TOMM20: variants seen among roughly 807,000 people sequenced by gnomAD.
TOMM20 encodes translocase of outer mitochondrial membrane 20, also known as mitochondrial import receptor subunit TOM20 homolog.
Under a neutral mutation model 22.1 loss-of-function variants are expected in TOMM20, and 10 were observed. That is an observed-to-expected ratio of 0.45 (90% confidence interval 0.28 to 0.77). TOMM20 has a LOEUF of 0.77. Among genes scored for constraint, TOMM20 ranks in the 30% least tolerant of loss-of-function variants. TOMM20 has a pLI of 0.13. For missense variants in TOMM20, 121 were observed against 172.2 expected (o/e 0.70, Z 1.66); for synonymous variants, 55 against 61.4 (o/e 0.90, Z 0.49).
At chr1:235,123,081 A>G (rs1479437224) in intron 1 of TOMM20, among the ~76,000 whole-genome samples, 2 of 152,246 alleles carry the variant, frequency 1.3e-5, no homozygotes, top group Non-Finnish European at 2.9e-5. Flanking sequence ...TCACTCTCCC[A>G]AGATAAGGTC....
At chr1:235,128,380 G>C (rs1661069638) in intron 1 of TOMM20, among the ~76,000 whole-genome samples, 1 of 152,194 alleles carries the variant, frequency 6.6e-6, no homozygotes, top group Non-Finnish European at 1.5e-5. Flanking sequence ...AAAGTGTCTG[G>C]GGAAAACAAA....
intron 2 of TOMM20, among the ~76,000 whole-genome samples, chr1:235,120,808 A>C (rs1020199660): frequency 2.1e-5 from 3 of 141,890 alleles, no homozygotes; most frequent in Non-Finnish European, 4.5e-5. Flanking sequence ...TCGAGGCTGC[A>C]GTGAGCTGTG....
In TOMM20 at chr1:235,116,635, C is replaced by T. The variant is rs370324654; in HGVS notation, c.251-2725G>A. Among the ~76,000 whole-genome samples the T allele has an allele frequency of 9.2e-5, 14 of 152,022 alleles. No individual in the cohort carries two copies. In the East Asian group the frequency reaches 1.2e-3, roughly 13 times the overall value. On this transcript the variant is annotated intron_variant, in intron 3 of 4. Transcript: ENST00000366607. ...AATTGCTTGAACCCTCGCTTGAACC[C>T]GGGAGGTGGAAGTTGCAGTGAGCTG...
Position 235,128,794 on chromosome 1 carries a change from G to A in TOMM20, c.-79C>T, listed in dbSNP as rs913222229. On this transcript the variant is annotated 5_prime_UTR_variant, in exon 1 of 5. Coordinates refer to ENST00000366607, the MANE Select transcript of TOMM20 (RefSeq NM_014765.3). ...TGGGCCACGAACCCTCAGAGCGGTC[G>A]GCGCAGCTCACACCCGACGGCCGCG... is the stretch of plus-strand genomic sequence containing the variant. 1.9e-6 allele frequency: 3 copies of A among 1,593,500 alleles called. No individual in the cohort carries two copies. Among genetic ancestry groups the A allele is most frequent in the East Asian group, 2.2e-5 (1 of 44,564 alleles).
At chr1:235,124,413 C>G (rs1201768773) in intron 1 of TOMM20, among the ~76,000 whole-genome samples, 1 of 152,150 alleles carries the variant, frequency 6.6e-6, no homozygotes, top group Non-Finnish European at 1.5e-5. Flanking sequence ...GAAAATGTAC[C>G]AAGGTCACAA....
chr1:235,120,555 G>A (rs929697216), intron 2 of TOMM20, among the ~76,000 whole-genome samples: 1 of 151,042 alleles, frequency 6.6e-6, no homozygotes, highest in Non-Finnish European at 1.5e-5. Flanking sequence ...ATGAGCCACC[G>A]CACCCAGCCT....
chr1:235,112,586 T>C (rs1660756212), intron 4 of TOMM20, among the ~76,000 whole-genome samples: 1 of 151,908 alleles, frequency 6.6e-6, no homozygotes, highest in Non-Finnish European at 1.5e-5. Context: ...CTCAAATGAG[T>C]GCTAGGATTA....
At chr1:235,122,868 T>C (rs1440622308) in intron 1 of TOMM20, among the ~76,000 whole-genome samples, 1 of 152,202 alleles carries the variant, frequency 6.6e-6, no homozygotes, top group Non-Finnish European at 1.5e-5. Context: ...TTAAAGGTAC[T>C]TGAGCATCAT....
chr1:235,127,968 G>C (rs142472109), intron 1 of TOMM20: 23 of 512,600 alleles, frequency 4.5e-5, no homozygotes, highest in African/African-American at 4.1e-4. Flanking sequence ...CTGAGGTCAG[G>C]AGTTCGAGAC....
intron 2 of TOMM20, among the ~76,000 whole-genome samples, chr1:235,121,428 G>A (rs1252082778): frequency 2.0e-5 from 3 of 152,090 alleles, no homozygotes; most frequent in Non-Finnish European, 4.4e-5. Flanking sequence ...TATGCCCTTA[G>A]AAATATAAGT....
intron 1 of TOMM20, among the ~76,000 whole-genome samples, chr1:235,123,937 C>T (rs1225763118): frequency 6.6e-6 from 1 of 152,210 alleles, no homozygotes; most frequent in African/African-American, 2.4e-5. Flanking sequence ...TGGAAGACTT[C>T]AAAGGATCTG....
chr1:235,120,034 C>A, intron 2 of TOMM20, 135 bp from the exon 3 acceptor site: 1 of 532,676 alleles, frequency 1.9e-6, no homozygotes, highest in Middle Eastern at 2.9e-4. Context: ...GAACTTTACT[C>A]CTGAATACTT....
intron 3 of TOMM20, 59 bp downstream of exon 3, chr1:235,119,759 T>C (rs943461556): frequency 4.2e-6 from 5 of 1,187,658 alleles, no homozygotes; most frequent in African/African-American, 1.5e-5. Context: ...CTTATCATTA[T>C]AAATTTCTAT....
chr1:235,125,416 C>T (rs1447802323), intron 1 of TOMM20, among the ~76,000 whole-genome samples: 3 of 152,008 alleles, frequency 2.0e-5, no homozygotes, highest in Non-Finnish European at 4.4e-5. Flanking sequence ...GGGGTTTCAC[C>T]ATGTTAGCCA....
intron 2 of TOMM20, among the ~76,000 whole-genome samples, chr1:235,121,499 G>A (rs377244744): frequency 6.6e-6 from 1 of 152,184 alleles, no homozygotes; most frequent in Non-Finnish European, 1.5e-5. Flanking sequence ...CTACTAGAAC[G>A]AAGTAGTTTC....
At chr1:235,125,413 C>G (rs1358982446) in intron 1 of TOMM20, among the ~76,000 whole-genome samples, 1 of 152,102 alleles carries the variant, frequency 6.6e-6, no homozygotes, top group African/African-American at 2.4e-5. Flanking sequence ...GACGGGGTTT[C>G]ACCATGTTAG....
intron 3 of TOMM20, among the ~76,000 whole-genome samples, chr1:235,117,427 CACCCACTGCACTCT>C (rs1335176000): frequency 6.7e-6 from 1 of 150,328 alleles, no homozygotes; most frequent in Non-Finnish European, 1.5e-5. Context: ...CACTGCACTC[CACCCACTGCACTCT>C]GGGTGACAGA....
rs869235889 is a variant in TOMM20, at chr1:235,117,134, CAAAAAAAAAAAAAAAAAAA to C, written c.250+2665_250+2683del. Among the ~76,000 whole-genome samples, 112 of 30,388 alleles carry C rather than the reference CAAAAAAAAAAAAAAAAAAA, an allele frequency of 3.7e-3. 3 individuals carry two copies. In the East Asian group the frequency reaches 0.12, roughly 33 times the overall value. The allele number at this position is 30,388 out of a possible 152,430, so 19.9% of individuals were successfully genotyped here. ...TGGGCGACAGAGCGAGACTCCATCT[CAAAAAAAAAAAAAAAAAAA>C]AAAAAAAAAAAAGAGTAAGAATAGA... On this transcript the variant is annotated intron_variant, in intron 3 of 4. Coordinates refer to ENST00000366607, the MANE Select transcript of TOMM20 (RefSeq NM_014765.3).
chr1:235,111,998 C>T lies in TOMM20; in HGVS notation c.*66G>A, dbSNP rs565611702. 8.9e-5 allele frequency: 125 copies of T among 1,398,172 alleles called. No individual in the cohort carries two copies. In the South Asian group the frequency reaches 1.4e-3, roughly 16 times the overall value. 86.6% of individuals were successfully genotyped at this position (1,398,172 alleles called of 1,614,324 possible). A position where few individuals can be genotyped will look rare whatever the true frequency, so the allele number is the denominator to read the frequency against. On this transcript the variant is annotated 3_prime_UTR_variant, in exon 5 of 5. Coordinates refer to ENST00000366607, the MANE Select transcript of TOMM20 (RefSeq NM_014765.3). ...CATATTTGCCCTTATTCCCCCAGAG[C>T]TGCTCAACTACCAAGAATTTTTAAA... is the stretch of plus-strand genomic sequence containing the variant.
Sources: allele counts gnomAD v4.1 joint callset (sites outside exome capture counted in the v4.1 genomes callset), GRCh38; gene constraint gnomAD v4.1.1; transcripts MANE v1.5; gene names NCBI Gene and HGNC (gene_info 2026-07-23, HGNC 2026-07-21).